The following DYNC2H1 variants were observed in gnomAD, a reference collection of about 807,000 sequenced individuals.
The protein encoded by DYNC2H1 is cytoplasmic dynein 2 heavy chain 1.
Under a neutral mutation model 570.0 loss-of-function variants are expected in DYNC2H1, and 410 were observed. That is an observed-to-expected ratio of 0.72 (90% CI 0.66 to 0.78). The LOEUF (loss-of-function observed/expected upper bound fraction) is 0.78, where lower values mean the gene tolerates loss of function less well. DYNC2H1 is among the 30% of genes least tolerant of loss of function. DYNC2H1 has a pLI of 0.00. For synonymous variants in DYNC2H1, 1,688 were observed against 1,677.6 expected, an observed-to-expected ratio of 1.01 and a Z score of -0.15; for missense variants, 4,865 against 5,046.4, an observed-to-expected ratio of 0.96 and a Z score of 1.09.
At chr11:103,365,921 T>C (rs999233261) in intron 83 of DYNC2H1, among the ~76,000 whole-genome samples, 2 of 152,250 alleles carry the variant, frequency 1.3e-5, no homozygotes, top group African/African-American at 2.4e-5. Flanking sequence ...GAACAAATGC[T>C]CCTTTTTTGT....
chr11:103,340,775 A>G (rs548877948), intron 82 of DYNC2H1, among the ~76,000 whole-genome samples: 1 of 152,240 alleles, frequency 6.6e-6, no homozygotes, highest in African/African-American at 2.4e-5. Flanking sequence ...AGCAGTTTCA[A>G]AATGTAATAG....
At chr11:103,308,134 T>A (rs1369290631) in intron 78 of DYNC2H1, among the ~76,000 whole-genome samples, 1 of 152,196 alleles carries the variant, frequency 6.6e-6, no homozygotes, top group African/African-American at 2.4e-5. Flanking sequence ...CTGTAGAACT[T>A]TTTTTATCTT....
chr11:103,213,551 A>G (rs1863242633), intron 54 of DYNC2H1, among the ~76,000 whole-genome samples: 1 of 151,908 alleles, frequency 6.6e-6, no homozygotes, highest in South Asian at 2.1e-4. Context: ...GATTCATACA[A>G]GAATGTGTAA....
At chr11:103,294,661 G>A (rs912150369) in intron 75 of DYNC2H1, among the ~76,000 whole-genome samples, 1 of 152,174 alleles carries the variant, frequency 6.6e-6, no homozygotes, top group African/African-American at 2.4e-5. Flanking sequence ...GCACCATGCT[G>A]AGTCATACCT....
intron 83 of DYNC2H1, among the ~76,000 whole-genome samples, chr11:103,368,283 A>T (rs1941001780): frequency 6.6e-6 from 1 of 152,036 alleles, no homozygotes; most frequent in Non-Finnish European, 1.5e-5. Context: ...TGCCTTCTTG[A>T]TAATAGCTTT....
chr11:103,168,983 A>G lies in DYNC2H1; in HGVS notation c.4968+23A>G. On this transcript the variant is annotated intron_variant, in intron 32 of 88. Coordinates refer to ENST00000375735, the MANE Select transcript of DYNC2H1 (RefSeq NM_001377.3). Reference sequence around the variant, plus strand: ...CAGGTATGAGTTGTGGCAGTGTTTTATATTTCCAATTAGAAATTATTTACT... The same window carrying G: ...CAGGTATGAGTTGTGGCAGTGTTTTGTATTTCCAATTAGAAATTATTTACT... 3.3e-6 allele frequency: 5 copies of G among 1,537,746 alleles called. 1 individual carries two copies. The South Asian group carries it at 4.0e-5, about 12-fold the overall frequency.
chr11:103,264,767 G>A lies in DYNC2H1; in HGVS notation c.10695+4790G>A, dbSNP rs951653486. 7.2e-5 allele frequency among the ~76,000 whole-genome samples: 11 copies of A among 152,156 alleles called. No individual in the cohort carries two copies. The highest frequency in any genetic ancestry group is 2.7e-4 in the African/African-American group (11 of 41,424). ...TGTGAATCAATATCAGTATCATACTGAATGGGCAAAAGCTGGAAGCATTCC... is the reference window on the plus strand; with the variant it reads ...TGTGAATCAATATCAGTATCATACTAAATGGGCAAAAGCTGGAAGCATTCC... On this transcript the variant is annotated intron_variant, in intron 70 of 88. Transcript: ENST00000375735. The surrounding 1 kb of genome is among the most constrained non-coding windows in gnomAD (Gnocchi z 4.8).
intron 75 of DYNC2H1, among the ~76,000 whole-genome samples, chr11:103,291,947 A>G (rs998207856): frequency 1.3e-5 from 2 of 151,986 alleles, no homozygotes; most frequent in African/African-American, 2.4e-5. Flanking sequence ...ATGAGTCTTT[A>G]TATGTGAACT....
chr11:103,223,273 AG>A (rs1863664228), intron 59 of DYNC2H1, among the ~76,000 whole-genome samples, 187 bp downstream of exon 59: 1 of 152,148 alleles, frequency 6.6e-6, no homozygotes, highest in African/African-American at 2.4e-5. Context: ...TTAGAAGGAG[AG>A]AGAAGAACCA....
chr11:103,233,907 G>A (rs1864120445), intron 60 of DYNC2H1, 127 bp from the exon 61 acceptor site: 1 of 659,844 alleles, frequency 1.5e-6, no homozygotes. Context: ...ATGATACTTT[G>A]TATGCAAACA....
chr11:103,230,761 G>T (rs1327593008), intron 59 of DYNC2H1, among the ~76,000 whole-genome samples: 8 of 152,074 alleles, frequency 5.3e-5, no homozygotes, highest in African/African-American at 1.7e-4. Context: ...CTTTGAGGGT[G>T]CAGGATGCTG....
chr11:103,146,492 A>G (rs1294709477), intron 18 of DYNC2H1, among the ~76,000 whole-genome samples: 2 of 152,200 alleles, frequency 1.3e-5, no homozygotes, highest in African/African-American at 4.8e-5. Context: ...TGTTTTATAA[A>G]TTGTTTTAAA....
At chr11:103,233,712 G>A (rs970604645) in intron 60 of DYNC2H1, among the ~76,000 whole-genome samples, 1 of 151,844 alleles carries the variant, frequency 6.6e-6, no homozygotes, top group Non-Finnish European at 1.5e-5. Flanking sequence ...AATAAAACTA[G>A]AAAGACAGAT....
intron 83 of DYNC2H1, among the ~76,000 whole-genome samples, chr11:103,384,042 G>T (rs1022990525): frequency 6.6e-6 from 1 of 152,020 alleles, no homozygotes; most frequent in Non-Finnish European, 1.5e-5. Flanking sequence ...AATTTGTTGG[G>T]ATTTGCTTTA....
At chr11:103,271,201 C>T (rs1205790694) in intron 70 of DYNC2H1, among the ~76,000 whole-genome samples, 1 of 152,106 alleles carries the variant, frequency 6.6e-6, no homozygotes. Context: ...AGTGGAAGTT[C>T]TGTGGTTGGA....
chr11:103,447,672 TTG>T (rs1944471962), intron 85 of DYNC2H1, among the ~76,000 whole-genome samples: 1 of 152,160 alleles, frequency 6.6e-6, no homozygotes, highest in South Asian at 2.1e-4. Context: ...TTTGTTCTAT[TTG>T]AGAGGTTTAT....
rs762142511 is a variant in DYNC2H1, at chr11:103,205,111, G to A, written c.8454+147G>A. On this transcript the variant is annotated intron_variant, in intron 52 of 88. Transcript: ENST00000375735. The surrounding 1 kb of genome is among the most constrained non-coding windows in gnomAD (Gnocchi z 4.5). ...ATGTTTGGAAATGTCTGTTTTCTTCGTACTCTTGCATCATAATTTAGTTGA... is the reference window on the plus strand; with the variant it reads ...ATGTTTGGAAATGTCTGTTTTCTTCATACTCTTGCATCATAATTTAGTTGA... 3.7e-5 allele frequency: 28 copies of A among 752,256 alleles called. No homozygotes were observed. The highest frequency in any genetic ancestry group is 3.9e-4 in the Middle Eastern group (1 of 2,556). 46.6% of individuals were successfully genotyped at this position (752,256 alleles called of 1,614,324 possible).
chr11:103,335,530 G>GT (rs1555104684), intron 82 of DYNC2H1, among the ~76,000 whole-genome samples: 1 of 151,868 alleles, frequency 6.6e-6, no homozygotes, highest in Non-Finnish European at 1.5e-5. Context: ...TTTGAGAATT[G>GT]TTTTTTTAAA....
At chr11:103,337,834 G>T (rs1225071417) in intron 82 of DYNC2H1, among the ~76,000 whole-genome samples, 1 of 152,088 alleles carries the variant, frequency 6.6e-6, no homozygotes, top group Non-Finnish European at 1.5e-5. Context: ...TCTTCAGATT[G>T]TCTCTTTGTT....
Sources: allele counts gnomAD v4.1 joint callset (sites outside exome capture counted in the v4.1 genomes callset), GRCh38; gene constraint gnomAD v4.1.1; non-coding constraint Gnocchi (gnomAD v3.1); transcripts MANE v1.5; gene names NCBI Gene and HGNC (gene_info 2026-07-23, HGNC 2026-07-21).